Variants in CARMIL1 observed in about 807,000 individuals in gnomAD.
CARMIL1 encodes the protein F-actin-uncapping protein LRRC16A.
Under a neutral mutation model 177.1 loss-of-function variants are expected in CARMIL1, and 90 were observed. That is an observed-to-expected ratio of 0.51 (90% CI 0.43 to 0.61). The LOEUF is 0.61. Among genes scored for constraint, CARMIL1 ranks in the 20% least tolerant of loss-of-function variants. The pLI, the probability that CARMIL1 is intolerant of heterozygous loss-of-function variation, is 0.00. For missense variants in CARMIL1, 1,380 were observed against 1,667.0 expected (o/e 0.83, Z 3.00); for synonymous variants, 577 against 606.2 (o/e 0.95, Z 0.71).
At chr6:25,420,611 G>A (rs1221034127) in intron 3 of CARMIL1, among the ~76,000 whole-genome samples, 1 of 152,118 alleles carries the variant, frequency 6.6e-6, no homozygotes, top group Non-Finnish European at 1.5e-5. Context: ...CATGTGGGGA[G>A]TAACTTTCAT....
At chr6:25,487,860 C>T (rs995881694) in intron 12 of CARMIL1, among the ~76,000 whole-genome samples, 55 of 152,150 alleles carry the variant, frequency 3.6e-4, no homozygotes, top group African/African-American at 1.3e-3. Flanking sequence ...CAGTTTAGTT[C>T]AGTTTATGTT....
In CARMIL1 at chr6:25,600,421, C is replaced by G; in HGVS notation, c.3227C>G (p.Ser1076Cys). ...KSSGFLNLIKSRSKSERPPTI... is the reference protein window; with the variant it reads ...KSSGFLNLIKCRSKSERPPTI... ...AGTGGCTTTCTCAATTTAATCAAAT[C>G]CCGGTCCAAATCCGAGCGACCACCA... Residue 1076 changes from serine (S) to cysteine (C), a missense_variant, in exon 33 of 37, where the codon TCC becomes TGC. Coordinates refer to ENST00000329474, the MANE Select transcript of CARMIL1 (RefSeq NM_017640.6). 6.2e-7 allele frequency: 1 copy of G among 1,613,942 alleles called. No individual in the cohort carries two copies. The highest frequency in any genetic ancestry group is 8.5e-7 in the Non-Finnish European group (1 of 1,179,894).
At chr6:25,435,815 G>C (rs750397400) in intron 5 of CARMIL1, among the ~76,000 whole-genome samples, 30 of 152,174 alleles carry the variant, frequency 2.0e-4, no homozygotes, top group Non-Finnish European at 4.0e-4. Context: ...TAAAGAGCTT[G>C]AGTGATGAAA....
chr6:25,508,433 A>G (rs149950909), intron 17 of CARMIL1, among the ~76,000 whole-genome samples: 2 of 152,318 alleles, frequency 1.3e-5, no homozygotes, highest in African/African-American at 4.8e-5. Flanking sequence ...GCGGTGGCAC[A>G]TGCCTGTAAT....
At chr6:25,518,987 A>C (rs1314288099) in intron 22 of CARMIL1, among the ~76,000 whole-genome samples, 1 of 152,238 alleles carries the variant, frequency 6.6e-6, no homozygotes, top group Non-Finnish European at 1.5e-5. Flanking sequence ...AAATTAAAGC[A>C]ATAGAAATTA....
intron 2 of CARMIL1, among the ~76,000 whole-genome samples, chr6:25,290,551 C>G (rs1196364199): frequency 6.6e-6 from 1 of 151,768 alleles, no homozygotes; most frequent in African/African-American, 2.4e-5. Flanking sequence ...CATTCCTAGT[C>G]TCCACTTTGG....
chr6:25,452,001 C>CCCCCCCCCCCCA, intron 8 of CARMIL1: 1 of 232,314 alleles, frequency 4.3e-6, no homozygotes, highest in Non-Finnish European at 8.8e-6. Context: ...CCCCTCCCCC[C>CCCCCCCCCCCCA]CCCAGAATAC....
At position 25,556,338 on chromosome 6, in the gene CARMIL1, C is replaced by CTTCTT. The variant is rs578088186; in HGVS notation, c.2593-359_2593-355dup. 7.9e-5 allele frequency among the ~76,000 whole-genome samples: 12 copies of CTTCTT among 152,120 alleles called. No homozygotes were observed. In the East Asian group the frequency reaches 1.2e-3, roughly 15 times the overall value. On this transcript the variant is annotated intron_variant, in intron 28 of 36. Coordinates refer to ENST00000329474, the MANE Select transcript of CARMIL1 (RefSeq NM_017640.6). ...GAATTAAAATTTTGCTAGTAATTTCCTTCTTTTCAGTCCTTTAAAAATAAT... is the reference window on the plus strand; with the variant it reads ...GAATTAAAATTTTGCTAGTAATTTCCTTCTTTTCTTTTCAGTCCTTTAAAAATAAT...
chr6:25,450,525 C>G (rs1214145166), intron 7 of CARMIL1, 113 bp from the exon 8 acceptor site: 16 of 1,108,890 alleles, frequency 1.4e-5, no homozygotes, highest in Non-Finnish European at 2.1e-5. Context: ...AAAATCTTCA[C>G]TTCTCAGATT....
intron 8 of CARMIL1, among the ~76,000 whole-genome samples, chr6:25,460,961 C>T (rs558603207): frequency 1.3e-4 from 19 of 151,738 alleles, no homozygotes; most frequent in Admixed American, 3.3e-4. Context: ...TTTCAATCAC[C>T]GTTCCCTCCT....
chr6:25,345,257 T>C (rs1042062888), intron 2 of CARMIL1, among the ~76,000 whole-genome samples: 2 of 152,210 alleles, frequency 1.3e-5, no homozygotes, highest in South Asian at 2.1e-4. Flanking sequence ...TGGACACACA[T>C]GCACCTCATT....
chr6:25,586,549 G>C (rs1179299134), intron 31 of CARMIL1, among the ~76,000 whole-genome samples: 1 of 151,944 alleles, frequency 6.6e-6, no homozygotes, highest in African/African-American at 2.4e-5. Flanking sequence ...TTCCCAGACG[G>C]GGTGGCGGCC....
chr6:25,570,113 C>T (rs1480934516), intron 29 of CARMIL1, among the ~76,000 whole-genome samples: 4 of 152,114 alleles, frequency 2.6e-5, no homozygotes, highest in South Asian at 2.1e-4. Flanking sequence ...TACAGGCGCC[C>T]GCCACCAAGC....
intron 26 of CARMIL1, among the ~76,000 whole-genome samples, chr6:25,549,137 C>G (rs1287099613): frequency 6.6e-6 from 1 of 152,158 alleles, no homozygotes; most frequent in Non-Finnish European, 1.5e-5. Flanking sequence ...GATGAAAATG[C>G]AGAGATCCGC....
At chr6:25,580,725 CAA>C (rs775601563) in intron 29 of CARMIL1, among the ~76,000 whole-genome samples, 197 bp from the exon 30 acceptor site, 1 of 152,128 alleles carries the variant, frequency 6.6e-6, no homozygotes, top group Non-Finnish European at 1.5e-5. Context: ...AGGGATGAAA[CAA>C]AGAGGTTAGC....
intron 2 of CARMIL1, among the ~76,000 whole-genome samples, chr6:25,321,619 T>C (rs190547138): frequency 1.3e-3 from 193 of 152,280 alleles, no homozygotes; most frequent in Middle Eastern, 3.4e-3. Flanking sequence ...AAACCTTTCA[T>C]TCTTTTAATT....
At chr6:25,330,912 G>A (rs550148460) in intron 2 of CARMIL1, among the ~76,000 whole-genome samples, 307 of 141,896 alleles carry the variant, frequency 2.2e-3, no homozygotes, top group African/African-American at 7.5e-3. Flanking sequence ...TTTTTTTTGA[G>A]GAGGAGGGAG....
At chr6:25,336,402 C>CT (rs1786237973) in intron 2 of CARMIL1, among the ~76,000 whole-genome samples, 1 of 152,176 alleles carries the variant, frequency 6.6e-6, no homozygotes, top group Admixed American at 6.5e-5. Flanking sequence ...CTCTACTCAC[C>CT]TCCCCTGTGA....
chr6:25,308,808 G>A (rs1783496404), intron 2 of CARMIL1, among the ~76,000 whole-genome samples: 1 of 152,118 alleles, frequency 6.6e-6, no homozygotes, highest in Non-Finnish European at 1.5e-5. Flanking sequence ...AATAAAAAAG[G>A]AAGCTCATTT....
Sources: allele counts gnomAD v4.1 joint callset (sites outside exome capture counted in the v4.1 genomes callset), GRCh38; gene constraint gnomAD v4.1.1; transcripts MANE v1.5; gene names NCBI Gene and HGNC (gene_info 2026-07-23, HGNC 2026-07-21).